The following PTPRT variants were observed in gnomAD, a reference collection of about 807,000 sequenced individuals.
The protein encoded by PTPRT is protein tyrosine phosphatase receptor type T.
In PTPRT, 56 loss-of-function variants were observed where a neutral mutation model predicts 176.8. That is an observed-to-expected ratio of 0.32 (90% CI 0.26 to 0.40). PTPRT has a LOEUF of 0.40. Ranked by LOEUF, PTPRT falls within the 10% of genes least tolerant of loss-of-function variation. PTPRT has a pLI of 1.00. For missense variants in PTPRT, 1,540 were observed against 1,908.2 expected (o/e 0.81, Z 3.60); for synonymous variants, 783 against 739.0 (o/e 1.06, Z -0.96).
intron 1 of PTPRT, among the ~76,000 whole-genome samples, chr20:42,967,653 C>T (rs765206650): frequency 2.6e-5 from 4 of 152,122 alleles, no homozygotes; most frequent in Non-Finnish European, 5.9e-5. Context: ...CCCTACGAAC[C>T]GAAAACAGTG....
intron 7 of PTPRT, among the ~76,000 whole-genome samples, chr20:42,560,814 G>T (rs1291848655): frequency 6.6e-6 from 1 of 152,194 alleles, no homozygotes; most frequent in East Asian, 1.9e-4. Context: ...GCACAATGTG[G>T]CCACTGGAAG....
At chr20:42,982,745 C>A (rs1458196247) in intron 1 of PTPRT, among the ~76,000 whole-genome samples, 1 of 152,158 alleles carries the variant, frequency 6.6e-6, no homozygotes, top group Non-Finnish European at 1.5e-5. Context: ...CAGCCTCCAT[C>A]CCTCTGCTCC....
At chr20:42,179,527 C>A (rs1990429248) in intron 16 of PTPRT, among the ~76,000 whole-genome samples, 1 of 152,092 alleles carries the variant, frequency 6.6e-6, no homozygotes, top group Admixed American at 6.6e-5. Flanking sequence ...ACAGCCAATT[C>A]CAGTAATAAA....
chr20:42,345,210 T>C (rs1228890852), intron 11 of PTPRT, among the ~76,000 whole-genome samples: 1 of 151,988 alleles, frequency 6.6e-6, no homozygotes, highest in East Asian at 1.9e-4. Context: ...TAAACATCAG[T>C]TTCCTAGTTG....
At chr20:42,798,711 CAAGT>C (rs2077487397) in intron 2 of PTPRT, among the ~76,000 whole-genome samples, 1 of 152,072 alleles carries the variant, frequency 6.6e-6, no homozygotes, top group Admixed American at 6.5e-5. Context: ...TTTGCGTGAA[CAAGT>C]AATAAGCATT....
At chr20:43,171,867 G>A (rs2015008388) in intron 1 of PTPRT, among the ~76,000 whole-genome samples, 1 of 152,092 alleles carries the variant, frequency 6.6e-6, no homozygotes, top group Admixed American at 6.5e-5. Context: ...AAAGAGCAGA[G>A]GACAAGTACC....
chr20:42,235,156 T>C (rs921055522), intron 15 of PTPRT, among the ~76,000 whole-genome samples: 1 of 152,178 alleles, frequency 6.6e-6, no homozygotes, highest in Non-Finnish European at 1.5e-5. Flanking sequence ...TGTGGACTAG[T>C]TCAGGGGCTT....
chr20:42,285,794 C>G (rs1284586624), intron 12 of PTPRT, among the ~76,000 whole-genome samples: 1 of 127,762 alleles, frequency 7.8e-6, no homozygotes, highest in Admixed American at 7.8e-5. Context: ...AAACCAAAAA[C>G]TTTACCAAAA....
At chr20:42,834,622 G>A (rs6103060) in intron 2 of PTPRT, among the ~76,000 whole-genome samples, 5 of 152,132 alleles carry the variant, frequency 3.3e-5, no homozygotes, top group Non-Finnish European at 7.4e-5. Context: ...ATGTTATTCA[G>A]GTTGTGGGAT....
chr20:42,665,755 AT>A (rs1245117282), intron 7 of PTPRT, among the ~76,000 whole-genome samples: 3 of 152,164 alleles, frequency 2.0e-5, no homozygotes, highest in Admixed American at 6.5e-5. Flanking sequence ...ATGGAATACT[AT>A]GCAGCCATAA....
At chr20:42,709,008 C>A (rs1039068910) in intron 6 of PTPRT, among the ~76,000 whole-genome samples, 22 of 152,164 alleles carry the variant, frequency 1.4e-4, no homozygotes, top group African/African-American at 5.3e-4. Flanking sequence ...TGGAGGTGTA[C>A]AGAGAGGTTT....
At chr20:42,064,216 G>T in the PTPRT span, among the ~76,000 whole-genome samples, 1 of 152,026 alleles carries the variant, frequency 6.6e-6, no homozygotes, top group Non-Finnish European at 1.5e-5. Context: ...AAATTGTTTG[G>T]TTATTCTTGT....
At chr20:43,023,340 C>T (rs745986295) in intron 1 of PTPRT, among the ~76,000 whole-genome samples, 23 of 152,310 alleles carry the variant, frequency 1.5e-4, no homozygotes, top group African/African-American at 2.9e-4. Flanking sequence ...ACTGCATGCT[C>T]ATGCTGTTCT....
intron 7 of PTPRT, among the ~76,000 whole-genome samples, chr20:42,601,679 G>A (rs1173299954): frequency 3.3e-5 from 5 of 152,058 alleles, no homozygotes; most frequent in Admixed American, 1.3e-4. Context: ...AGTTTGGGAC[G>A]CAGCACAACA....
intron 1 of PTPRT, among the ~76,000 whole-genome samples, chr20:42,977,811 T>C (rs755356853): frequency 2.0e-5 from 3 of 152,258 alleles, no homozygotes; most frequent in Admixed American, 2.0e-4. Context: ...TTTTCCTCAG[T>C]TTTCTATCTC....
At chr20:42,785,042 A>T (rs1434658777) in intron 3 of PTPRT, among the ~76,000 whole-genome samples, 1 of 152,230 alleles carries the variant, frequency 6.6e-6, no homozygotes, top group Non-Finnish European at 1.5e-5. Flanking sequence ...TAAGTTGGTG[A>T]GGTGATGGAT....
intron 1 of PTPRT, among the ~76,000 whole-genome samples, chr20:43,054,504 A>C (rs532730035): frequency 6.6e-6 from 1 of 151,750 alleles, no homozygotes; most frequent in East Asian, 2.0e-4. Context: ...CAGTGGGCCA[A>C]GATTGTACCA....
intron 7 of PTPRT, among the ~76,000 whole-genome samples, chr20:42,613,273 T>C (rs2074005780): frequency 6.6e-6 from 1 of 152,222 alleles, no homozygotes; most frequent in Non-Finnish European, 1.5e-5. Context: ...CAGCTGTCCA[T>C]ATGATTTTAA....
chr20:42,656,554 T>A (rs1469575128), intron 7 of PTPRT, among the ~76,000 whole-genome samples: 1 of 152,156 alleles, frequency 6.6e-6, no homozygotes, highest in Non-Finnish European at 1.5e-5. Context: ...TAAACAAAGC[T>A]GCTCATCCAC....
Sources: gnomAD v4.1 joint callset for allele counts (sites outside exome capture counted in the v4.1 genomes callset) on GRCh38, gnomAD v4.1.1 for gene constraint, MANE v1.5 for transcripts, NCBI Gene and HGNC (gene_info 2026-07-23, HGNC 2026-07-21) for gene names.